Variants in ZFPM1 observed in about 807,000 individuals in gnomAD.
ZFPM1 encodes zinc finger protein, FOG family member 1, also known as zinc finger protein ZFPM1.
In ZFPM1, 28 loss-of-function variants were observed where a neutral mutation model predicts 46.3. That is an observed-to-expected ratio of 0.60 (90% CI 0.45 to 0.83). The LOEUF (loss-of-function observed/expected upper bound fraction) is 0.83, where lower values mean the gene tolerates loss of function less well. ZFPM1 is among the 40% of genes least tolerant of loss of function. ZFPM1 has a pLI of 0.00. For missense variants in ZFPM1, 1,878 were observed against 1,432.4 expected (o/e 1.31, Z -5.02); for synonymous variants, 957 against 675.9 (o/e 1.42, Z -6.45).
chr16:88,508,054 G>A (rs1910755431), intron 3 of ZFPM1, among the ~76,000 whole-genome samples: 2 of 152,154 alleles, frequency 1.3e-5, no homozygotes, highest in Admixed American at 1.3e-4. Flanking sequence ...CCCAGCACTT[G>A]GGGAGGCTGA....
At chr16:88,470,353 G>C (rs1567528973) in intron 1 of ZFPM1, among the ~76,000 whole-genome samples, 1 of 152,330 alleles carries the variant, frequency 6.6e-6, no homozygotes, top group East Asian at 1.9e-4. Context: ...TGCCTGCTGT[G>C]TGCTGGGCAT....
chr16:88,534,584 G>A lies in ZFPM1; in HGVS notation c.2626G>A (p.Ala876Thr), dbSNP rs956055929. The A allele has an allele frequency of 1.1e-5, 14 of 1,267,558 alleles. No homozygotes were observed. Among genetic ancestry groups the A allele is most frequent in the Non-Finnish European group, 1.4e-5 (14 of 1,004,950 alleles). 78.5% of individuals were successfully genotyped at this position (1,267,558 alleles called of 1,614,324 possible). Residue 876 changes from alanine (A) to threonine (T), a missense_variant, in exon 10 of 10, where the codon GCG becomes ACG. Physicochemically the swap from Ala to Thr is moderately conservative, Grantham distance 58. Coordinates refer to ENST00000319555, the MANE Select transcript of ZFPM1 (RefSeq NM_153813.3). ...GGACCTGCTGGAGCATTTCCGCCTG[G>A]CGCACGGCCTGCTGCTCGGCGCGCC... ...RGDLLEHFRL[A>T]HGLLLGAPLA...
intron 2 of ZFPM1, among the ~76,000 whole-genome samples, chr16:88,486,368 C>A (rs1428726445): frequency 6.6e-6 from 1 of 152,252 alleles, no homozygotes; most frequent in African/African-American, 2.4e-5. Context: ...CTCAGTAGAC[C>A]CTCTGTGAAG....
intron 2 of ZFPM1, among the ~76,000 whole-genome samples, chr16:88,486,582 T>C (rs559675468): frequency 7.4e-5 from 11 of 148,210 alleles, no homozygotes; most frequent in Admixed American, 3.4e-4. Flanking sequence ...GGGTGCTAGG[T>C]GCACCATGGG....
chr16:88,522,316 T>G (rs1388540577), intron 4 of ZFPM1, among the ~76,000 whole-genome samples: 1 of 151,800 alleles, frequency 6.6e-6, no homozygotes, highest in Non-Finnish European at 1.5e-5. Flanking sequence ...GATGGGGAGG[T>G]GGAGGACTTC....
chr16:88,504,656 C>T (rs1019027145), intron 3 of ZFPM1, among the ~76,000 whole-genome samples: 1 of 152,204 alleles, frequency 6.6e-6, no homozygotes, highest in African/African-American at 2.4e-5. Flanking sequence ...GACATGGCCC[C>T]CCTGTGTACC....
At position 88,528,072 on chromosome 16, in the gene ZFPM1, G is replaced by A. The variant is rs148071393; in HGVS notation, c.546G>A (p.Ala182=). ...LWCRVTKPVP[A]GGLLSVLLTA... The stretch of plus-strand genomic sequence containing the variant: ...GCAGGGTCACCAAGCCGGTGCCTGC[G>A]GGGGGACTCCTGAGCGTGCTCCTCA... Residue 182 remains alanine, a synonymous_variant, in exon 6 of 10, where the codon GCG becomes GCA. Transcript: ENST00000319555. 162 of 1,564,458 alleles carry A rather than the reference G, an allele frequency of 1.0e-4. No homozygotes were observed. Among genetic ancestry groups the A allele is most frequent in the Middle Eastern group, 3.6e-4 (2 of 5,554 alleles).
At chr16:88,454,466 C>G (rs1377524185) in intron 1 of ZFPM1, among the ~76,000 whole-genome samples, 3 of 152,330 alleles carry the variant, frequency 2.0e-5, no homozygotes, top group African/African-American at 7.2e-5. Flanking sequence ...CCTGGCATCC[C>G]AATGGGCTGC....
intron 3 of ZFPM1, among the ~76,000 whole-genome samples, chr16:88,503,541 G>A (rs1383261598): frequency 6.6e-6 from 1 of 152,062 alleles, no homozygotes; most frequent in East Asian, 1.9e-4. Context: ...CTGCTTCCTG[G>A]TCTTTCCCAC....
intron 3 of ZFPM1, among the ~76,000 whole-genome samples, chr16:88,506,067 A>G (rs947089993): frequency 5.9e-5 from 9 of 152,030 alleles, no homozygotes; most frequent in African/African-American, 2.2e-4. Context: ...CTGGGGCTCT[A>G]GGCCAACCCC....
intron 3 of ZFPM1, among the ~76,000 whole-genome samples, chr16:88,502,913 G>A (rs1456297218): frequency 7.2e-5 from 11 of 152,248 alleles, no homozygotes; most frequent in South Asian, 2.1e-4. Context: ...CGGCAGATCC[G>A]GGGCTGCCCT....
chr16:88,519,296 GGTGGGTGA>G, intron 4 of ZFPM1, among the ~76,000 whole-genome samples: 1 of 151,410 alleles, frequency 6.6e-6, no homozygotes, highest in African/African-American at 2.4e-5. Context: ...TGGATGGATG[GGTGGGTGA>G]GTGGGTGAAG....
intron 5 of ZFPM1, 80 bp from the exon 6 acceptor site, chr16:88,527,952 C>A: frequency 7.1e-7 from 1 of 1,405,210 alleles, no homozygotes; most frequent in Non-Finnish European, 9.6e-7. Context: ...CTCTCCTGAC[C>A]CCATCCTCTG....
chr16:88,504,385 C>T (rs1293132109), intron 3 of ZFPM1, among the ~76,000 whole-genome samples: 1 of 152,144 alleles, frequency 6.6e-6, no homozygotes, highest in African/African-American at 2.4e-5. Flanking sequence ...AAAGACCAGA[C>T]TACTAGGACC....
At chr16:88,519,886 G>C (rs1308245181) in intron 4 of ZFPM1, among the ~76,000 whole-genome samples, 1 of 151,524 alleles carries the variant, frequency 6.6e-6, no homozygotes, top group Non-Finnish European at 1.5e-5. Context: ...TAGATGGAGA[G>C]ATGTGTAGGT....
intron 1 of ZFPM1, among the ~76,000 whole-genome samples, chr16:88,462,948 A>G (rs1907965882): frequency 6.6e-6 from 1 of 152,094 alleles, no homozygotes. Flanking sequence ...AACAAAATCC[A>G]CACAAACAGG....
rs531500122 is a variant in ZFPM1, at chr16:88,472,902, G to A, written c.41-13037G>A. On this transcript the variant is annotated intron_variant, in intron 1 of 9. Transcript: ENST00000319555. ...GATGTGTTAACTCCTGGTTTCAGGC[G>A]GGGCAGCAGGCCCAGGGCAGGCCTG... Among the ~76,000 whole-genome samples, 38 of 149,126 alleles carry A rather than the reference G, an allele frequency of 2.5e-4. No individual in the cohort carries two copies. In the South Asian group the frequency reaches 7.5e-3, roughly 29 times the overall value.
rs1908863861 is a variant in ZFPM1, at chr16:88,480,034, A to G, written c.41-5905A>G. ...ACTGCCAACACCTGGCTGAGTCCTA[A>G]CGCCAGCCTTTGGCAAGACAGTTTG... On this transcript the variant is annotated intron_variant, in intron 1 of 9. Coordinates refer to ENST00000319555, the MANE Select transcript of ZFPM1 (RefSeq NM_153813.3). This position sits in a 1 kb window ranked among gnomAD's most constrained non-coding sequence, Gnocchi z 4.9. Among the ~76,000 whole-genome samples the G allele has an allele frequency of 6.6e-6, 1 of 151,772 alleles. No individual in the cohort carries two copies.
chr16:88,504,037 C>G (rs1477500706), intron 3 of ZFPM1, among the ~76,000 whole-genome samples: 1 of 152,026 alleles, frequency 6.6e-6, no homozygotes, highest in Non-Finnish European at 1.5e-5. Flanking sequence ...GGGTGGGTGC[C>G]TGCCAGGCTG....
Sources: allele counts gnomAD v4.1 joint callset (sites outside exome capture counted in the v4.1 genomes callset), GRCh38; gene constraint gnomAD v4.1.1; non-coding constraint Gnocchi (gnomAD v3.1); transcripts MANE v1.5; gene names NCBI Gene and HGNC (gene_info 2026-07-23, HGNC 2026-07-21).